The following ZNF385D variants were observed in gnomAD, a reference collection of about 807,000 sequenced individuals.
The protein encoded by ZNF385D is zinc finger protein 659.
Under a neutral mutation model 35.8 loss-of-function variants are expected in ZNF385D, and 15 were observed. The ratio of observed to expected loss-of-function variants is 0.42; its 90% CI spans 0.28 to 0.64. The LOEUF is 0.64. ZNF385D is among the 30% of genes least tolerant of loss of function. ZNF385D has a pLI of 0.23. For missense variants in ZNF385D, 474 were observed against 494.6 expected, an observed-to-expected ratio of 0.96 and a Z score of 0.39; for synonymous variants, 212 against 186.8, an observed-to-expected ratio of 1.13 and a Z score of -1.10.
chr3:21,578,830 C>T (rs1452918963), intron 2 of ZNF385D, among the ~76,000 whole-genome samples: 2 of 151,910 alleles, frequency 1.3e-5, no homozygotes, highest in Non-Finnish European at 2.9e-5. Context: ...TTTTGTGGTT[C>T]CATATGAATT....
intron 2 of ZNF385D, among the ~76,000 whole-genome samples, chr3:22,312,515 C>T (rs1220153099): frequency 2.6e-5 from 4 of 151,704 alleles, no homozygotes; most frequent in African/African-American, 9.7e-5. Context: ...TGACAAAGGG[C>T]TAATATCCAG....
intron 4 of ZNF385D, among the ~76,000 whole-genome samples, chr3:21,468,615 A>T (rs1282156997): frequency 6.6e-6 from 1 of 152,052 alleles, no homozygotes; most frequent in Non-Finnish European, 1.5e-5. Context: ...TGAGCAAGAG[A>T]TACTGGTCAC....
chr3:21,982,680 T>A (rs146345879), intron 3 of ZNF385D, among the ~76,000 whole-genome samples: 10 of 152,300 alleles, frequency 6.6e-5, no homozygotes, highest in Admixed American at 2.0e-4. Context: ...AGGGGAATAC[T>A]GCTAGCTTTT....
At chr3:22,143,745 AATTTT>A (rs1197845694) in intron 3 of ZNF385D, among the ~76,000 whole-genome samples, 4 of 152,292 alleles carry the variant, frequency 2.6e-5, no homozygotes, top group African/African-American at 7.2e-5. Flanking sequence ...TAATTTAAAC[AATTTT>A]ATTAAATGTC....
intron 3 of ZNF385D, among the ~76,000 whole-genome samples, chr3:21,790,284 C>T (rs1482522385): frequency 6.6e-6 from 1 of 151,594 alleles, no homozygotes; most frequent in Non-Finnish European, 1.5e-5. Context: ...CATAAAGATA[C>T]ATTAGATGCC....
chr3:21,862,700 T>C (rs998397020), intron 3 of ZNF385D, among the ~76,000 whole-genome samples: 1 of 152,148 alleles, frequency 6.6e-6, no homozygotes, highest in Non-Finnish European at 1.5e-5. Context: ...GATGAAGATG[T>C]CCAGGCCAGC....
intron 3 of ZNF385D, among the ~76,000 whole-genome samples, chr3:22,074,951 G>A (rs1357234775): frequency 2.0e-5 from 3 of 151,904 alleles, no homozygotes; most frequent in African/African-American, 7.2e-5. Flanking sequence ...AAATGATGGT[G>A]AGAAAAGGGG....
chr3:21,507,160 A>G (rs957678217), intron 4 of ZNF385D, among the ~76,000 whole-genome samples: 11 of 152,160 alleles, frequency 7.2e-5, no homozygotes, highest in Non-Finnish European at 1.5e-4. Context: ...GTTTACAATG[A>G]AAATTTAGTT....
intron 3 of ZNF385D, among the ~76,000 whole-genome samples, chr3:21,959,801 A>C (rs748724750): frequency 7.2e-5 from 11 of 152,204 alleles, no homozygotes; most frequent in Admixed American, 2.0e-4. Context: ...TGACCTAGAA[A>C]GAGAAAATCT....
intron 2 of ZNF385D, among the ~76,000 whole-genome samples, chr3:21,586,407 A>G (rs2063812360): frequency 6.6e-6 from 1 of 151,994 alleles, no homozygotes; most frequent in Admixed American, 6.6e-5. Context: ...AGACACCATT[A>G]TCCTTCAGAT....
chr3:22,200,975 C>T (rs1445503975), intron 2 of ZNF385D, among the ~76,000 whole-genome samples: 2 of 152,036 alleles, frequency 1.3e-5, no homozygotes, highest in African/African-American at 4.8e-5. Flanking sequence ...TGTTCAAACA[C>T]ACATGCTGTA....
At chr3:21,732,752 T>C (rs2069077693) in intron 1 of ZNF385D, among the ~76,000 whole-genome samples, 1 of 152,246 alleles carries the variant, frequency 6.6e-6, no homozygotes, top group African/African-American at 2.4e-5. Flanking sequence ...GTTTTCTTAT[T>C]CTTGACCTTG....
intron 2 of ZNF385D, among the ~76,000 whole-genome samples, chr3:22,221,376 C>T (rs1250786179): frequency 6.6e-6 from 1 of 152,068 alleles, no homozygotes; most frequent in East Asian, 1.9e-4. Flanking sequence ...AATCACATTG[C>T]ATATATACCC....
At chr3:21,713,668 G>T (rs1439588633) in intron 1 of ZNF385D, among the ~76,000 whole-genome samples, 1 of 152,050 alleles carries the variant, frequency 6.6e-6, no homozygotes, top group African/African-American at 2.4e-5. Context: ...TAGTGATTTT[G>T]ATATACCCAT....
intron 2 of ZNF385D, among the ~76,000 whole-genome samples, chr3:21,651,309 A>C (rs1575399069): frequency 6.6e-6 from 1 of 151,364 alleles, no homozygotes; most frequent in African/African-American, 2.4e-5. Context: ...AAAAAAAAAA[A>C]AAAAAGGTGA....
chr3:22,274,263 A>G (rs542617224), intron 2 of ZNF385D, among the ~76,000 whole-genome samples: 7 of 152,132 alleles, frequency 4.6e-5, no homozygotes, highest in Admixed American at 4.6e-4. Context: ...CCTAGATACT[A>G]AAACTAAAAT....
At chr3:21,453,367 T>C (rs146310003) in intron 4 of ZNF385D, among the ~76,000 whole-genome samples, 1 of 152,062 alleles carries the variant, frequency 6.6e-6, no homozygotes, top group East Asian at 1.9e-4. Context: ...ATAGACTAAG[T>C]TGAACTGCAT....
intron 3 of ZNF385D, among the ~76,000 whole-genome samples, chr3:21,916,796 T>A (rs1158092712): frequency 3.9e-5 from 6 of 152,208 alleles, no homozygotes; most frequent in Non-Finnish European, 5.9e-5. Context: ...AGCACTGTAA[T>A]AGGTAACTTT....
intron 1 of ZNF385D, among the ~76,000 whole-genome samples, chr3:21,691,195 C>G (rs955781164): frequency 1.3e-5 from 2 of 152,164 alleles, no homozygotes; most frequent in African/African-American, 4.8e-5. Flanking sequence ...ATCAATCCAG[C>G]TGCCTGTTTC....
Sources: gnomAD v4.1 joint callset for allele counts (sites outside exome capture counted in the v4.1 genomes callset) on GRCh38, gnomAD v4.1.1 for gene constraint, MANE v1.5 for transcripts, NCBI Gene and HGNC (gene_info 2026-07-23, HGNC 2026-07-21) for gene names.